The following RGPD2 variants were observed in gnomAD, a reference collection of about 807,000 sequenced individuals.
RGPD2 encodes the protein RANBP2-like and GRIP domain-containing protein 2.
RGPD2 carries 2 observed loss-of-function variants against 36.0 expected under a neutral mutation model. The ratio of observed to expected loss-of-function variants is 0.06; its 90% CI spans 0.02 to 0.17. The LOEUF is 0.17. Ranked by LOEUF, RGPD2 falls within the 10% of genes least tolerant of loss-of-function variation. RGPD2 has a pLI of 1.00. For missense variants in RGPD2, 40 were observed against 464.3 expected (o/e 0.09, Z 8.40); for synonymous variants, 19 against 163.8 (o/e 0.12, Z 6.75).
the RGPD2 span, among the ~76,000 whole-genome samples, chr2:87,918,163 T>C: frequency 1.6e-5 from 2 of 124,734 alleles, no homozygotes; most frequent in African/African-American, 6.9e-5. Flanking sequence ...AAGGTGTACG[T>C]ATAAAAATAG....
the RGPD2 span, among the ~76,000 whole-genome samples, chr2:87,988,541 A>ATATATATATATATATATT: frequency 9.2e-5 from 5 of 54,150 alleles, no homozygotes; most frequent in South Asian, 2.2e-3. Context: ...ATATATATAT[A>ATATATATATATATATATT]TTTTTTTTTT....
chr2:87,972,051 C>T, the RGPD2 span, among the ~76,000 whole-genome samples: 2 of 150,922 alleles, frequency 1.3e-5, no homozygotes, highest in African/African-American at 4.9e-5. Context: ...AAGTCAAGCA[C>T]GGAGGATCAA....
intron 1 of RGPD2, among the ~76,000 whole-genome samples, chr2:87,824,771 G>GCCGCCGCCGCC (rs1686580730): frequency 1.4e-5 from 1 of 69,458 alleles, no homozygotes; most frequent in African/African-American, 5.3e-5. Context: ...GCCGCCGCCC[G>GCCGCCGCCGCC]GCCAGGCCGA....
At chr2:87,915,413 ATATATG>A in the RGPD2 span, among the ~76,000 whole-genome samples, 1 of 141,920 alleles carries the variant, frequency 7.0e-6, no homozygotes, top group Non-Finnish European at 1.5e-5. Context: ...TATATATTGT[ATATATG>A]TATATGTATA....
At chr2:87,863,695 CGTGT>C in the RGPD2 span, among the ~76,000 whole-genome samples, 69 of 149,444 alleles carry the variant, frequency 4.6e-4, no homozygotes, top group African/African-American at 1.6e-3. Context: ...TACACAAATA[CGTGT>C]GTGTGTGTGT....
chr2:87,809,608 G>T (rs988581494), intron 6 of RGPD2, among the ~76,000 whole-genome samples: 2 of 136,884 alleles, frequency 1.5e-5, no homozygotes, highest in African/African-American at 2.6e-5. Context: ...GGTTCACAAG[G>T]GGGGGTAACA....
the RGPD2 span, among the ~76,000 whole-genome samples, chr2:87,857,226 C>T: frequency 6.6e-6 from 1 of 152,154 alleles, no homozygotes; most frequent in Non-Finnish European, 1.5e-5. Context: ...AAATTATGCA[C>T]ATTTTATAGA....
At chr2:87,832,097 AT>A in the RGPD2 span, among the ~76,000 whole-genome samples, 1 of 147,534 alleles carries the variant, frequency 6.8e-6, no homozygotes, top group Non-Finnish European at 1.5e-5. Context: ...CTACTAAAAA[AT>A]GGTTGATTAT....
the RGPD2 span, among the ~76,000 whole-genome samples, chr2:87,952,601 T>C: frequency 1.3e-5 from 2 of 152,188 alleles, no homozygotes; most frequent in African/African-American, 4.8e-5. Flanking sequence ...TAATAAGGCT[T>C]CTGCTGTAAT....
At chr2:87,796,201 TA>T (rs56844369) in intron 9 of RGPD2, among the ~76,000 whole-genome samples, 51 of 1,684 alleles carry the variant, frequency 0.03, no homozygotes, top group African/African-American at 0.077. Flanking sequence ...TTTAAGTCAT[TA>T]AAGCAATGGA....
the RGPD2 span, among the ~76,000 whole-genome samples, chr2:87,980,161 G>A: frequency 6.6e-6 from 1 of 151,792 alleles, no homozygotes; most frequent in South Asian, 2.1e-4. Flanking sequence ...GACCAGCCTG[G>A]CCAACATGGT....
At chr2:87,879,236 C>A in the RGPD2 span, among the ~76,000 whole-genome samples, 2 of 151,434 alleles carry the variant, frequency 1.3e-5, no homozygotes, top group Non-Finnish European at 2.9e-5. Flanking sequence ...CAATGTGTAA[C>A]AATCACATCC....
chr2:87,825,442 CCCGGCCAGGCCGA>C (rs1686695300), intron 1 of RGPD2, among the ~76,000 whole-genome samples: 3 of 119,062 alleles, frequency 2.5e-5, no homozygotes, highest in Non-Finnish European at 3.9e-5. Context: ...GCCGCCGCCG[CCCGGCCAGGCCGA>C]GGCCGAGGCC....
chr2:87,885,408 T>G, the RGPD2 span, among the ~76,000 whole-genome samples: 1 of 151,992 alleles, frequency 6.6e-6, no homozygotes, highest in Non-Finnish European at 1.5e-5. Context: ...ACTCAGGAAT[T>G]AAAATTGAAG....
chr2:87,970,442 C>A, the RGPD2 span, among the ~76,000 whole-genome samples: 1 of 152,010 alleles, frequency 6.6e-6, no homozygotes, highest in Non-Finnish European at 1.5e-5. Flanking sequence ...TGCATGACAG[C>A]AATCATAGAA....
chr2:87,837,214 T>C, the RGPD2 span, among the ~76,000 whole-genome samples: 1 of 150,242 alleles, frequency 6.7e-6, no homozygotes, highest in African/African-American at 2.4e-5. Flanking sequence ...AATTTGATAC[T>C]TAACTAAATA....
At chr2:87,963,833 C>CT in the RGPD2 span, among the ~76,000 whole-genome samples, 1 of 73,688 alleles carries the variant, frequency 1.4e-5, no homozygotes, top group Non-Finnish European at 2.7e-5. Context: ...TTCTTTCTTT[C>CT]TTTCTTTTTT....
At chr2:87,985,807 G>A in the RGPD2 span, 1 of 1,611,282 alleles carries the variant, frequency 6.2e-7, no homozygotes, top group Non-Finnish European at 8.5e-7. Context: ...CACTCTGAGT[G>A]ATAACTGGGT....
the RGPD2 span, among the ~76,000 whole-genome samples, chr2:87,952,064 A>G: frequency 6.6e-6 from 1 of 152,300 alleles, no homozygotes; most frequent in Admixed American, 6.5e-5. Flanking sequence ...TCATTTCCAA[A>G]TCACTTTATG....
Sources: allele counts gnomAD v4.1 joint callset (sites outside exome capture counted in the v4.1 genomes callset), GRCh38; gene constraint gnomAD v4.1.1; transcripts MANE v1.5; gene names NCBI Gene and HGNC (gene_info 2026-07-23, HGNC 2026-07-21).